HIPK3: variants seen among roughly 807,000 people sequenced by gnomAD.
HIPK3 encodes the protein homeodomain interacting protein kinase 3.
HIPK3 carries 47 observed loss-of-function variants against 124.2 expected under a neutral mutation model. That is an observed-to-expected ratio of 0.38 (90% CI 0.30 to 0.48). The LOEUF (loss-of-function observed/expected upper bound fraction) is 0.48. Among genes scored for constraint, HIPK3 ranks in the 20% least tolerant of loss-of-function variants. The pLI, the probability that HIPK3 is intolerant of heterozygous loss-of-function variation, is 0.98. For missense variants in HIPK3, 1,286 were observed against 1,454.3 expected, an observed-to-expected ratio of 0.88 and a Z score of 1.88; for synonymous variants, 482 against 515.2, an observed-to-expected ratio of 0.94 and a Z score of 0.87.
At chr11:33,297,035 C>T (rs1851860168) in intron 2 of HIPK3, among the ~76,000 whole-genome samples, 1 of 151,870 alleles carries the variant, frequency 6.6e-6, no homozygotes, top group South Asian at 2.1e-4. Context: ...AAGTGCTACT[C>T]CAGTGAGTAG....
At chr11:33,335,260 A>G (rs1445821234) in intron 3 of HIPK3, among the ~76,000 whole-genome samples, 1 of 152,164 alleles carries the variant, frequency 6.6e-6, no homozygotes, top group African/African-American at 2.4e-5. Context: ...ATTTAGAGAT[A>G]AAATTGTGGG....
intron 3 of HIPK3, among the ~76,000 whole-genome samples, chr11:33,336,727 G>T (rs1242274500): frequency 6.6e-6 from 1 of 152,104 alleles, no homozygotes; most frequent in African/African-American, 2.4e-5. Context: ...ATTCTCTCTT[G>T]ATTTTCTATA....
In HIPK3 at chr11:33,353,602, A is replaced by T. The variant is rs767115316; in HGVS notation, c.*34A>T. ...ATATTGGGGAAGCTCAATGATACAAACATTTGATTAAAAATAAAAACATGG... is the reference window on the plus strand; with the variant it reads ...ATATTGGGGAAGCTCAATGATACAATCATTTGATTAAAAATAAAAACATGG... On this transcript the variant is annotated 3_prime_UTR_variant, in exon 17 of 17. Transcript: ENST00000303296. 7.6e-7 allele frequency: 1 copy of T among 1,311,232 alleles called. No individual in the cohort carries two copies. Among genetic ancestry groups the T allele is most frequent in the East Asian group, 2.3e-5 (1 of 43,156 alleles). 81.2% of individuals were successfully genotyped at this position (1,311,232 alleles called of 1,614,324 possible).
intron 2 of HIPK3, among the ~76,000 whole-genome samples, chr11:33,307,145 G>A (rs1852184876): frequency 6.6e-6 from 1 of 151,814 alleles, no homozygotes; most frequent in Non-Finnish European, 1.5e-5. Flanking sequence ...TGCCATGTTG[G>A]CCAGGCTGGT....
chr11:33,263,603 G>A lies in HIPK3; in HGVS notation c.-3+5714G>A, dbSNP rs112187906. ...AGTGCTGGGATTACAGTAAGCCACC[G>A]CGCCTGGCTGCTATGATTTTAAATG... On this transcript the variant is annotated intron_variant, in intron 1 of 16. Coordinates refer to ENST00000303296, the MANE Select transcript of HIPK3 (RefSeq NM_005734.5). 2.4e-3 allele frequency among the ~76,000 whole-genome samples: 369 copies of A among 152,250 alleles called. 1 individual carries two copies. The highest frequency in any genetic ancestry group is 8.3e-3 in the African/African-American group (346 of 41,556).
In HIPK3 at chr11:33,347,832, T is replaced by G; in HGVS notation, c.2145-20T>G. 1 of 1,613,782 alleles carries G rather than the reference T, an allele frequency of 6.2e-7. No individual in the cohort carries two copies. Among genetic ancestry groups the G allele is most frequent in the Non-Finnish European group, 8.5e-7 (1 of 1,179,678 alleles). ...AAAGAAAGATCTTGATTAAAAACAT[T>G]GTTCTGAACTTCTCCCTAGGAAGAT... On this transcript the variant is annotated intron_variant, in intron 10 of 16. Transcript: ENST00000303296.
rs551874792 is a variant in HIPK3 at position 33,356,123 on chromosome 11, C to G, written c.*2555C>G. On this transcript the variant is annotated 3_prime_UTR_variant, in exon 17 of 17. Transcript: ENST00000303296. ...TTCTTTTTGTTTAGGGCCATGTTTA[C>G]TACCCTGAAATGTTGTATTTTTTGT... is the stretch of plus-strand genomic sequence containing the variant. The G allele has an allele frequency of 6.6e-6, 1 of 151,996 alleles. No homozygotes were observed. Among genetic ancestry groups the G allele is most frequent in the African/African-American group, 2.4e-5 (1 of 41,438 alleles). 9.4% of individuals were successfully genotyped at this position (151,996 alleles called of 1,614,324 possible).
In HIPK3 at chr11:33,352,278, G is replaced by A; in HGVS notation, c.3171+13G>A. 6.2e-7 allele frequency: 1 copy of A among 1,613,546 alleles called. No individual in the cohort carries two copies. Among genetic ancestry groups the A allele is most frequent in the Non-Finnish European group, 8.5e-7 (1 of 1,179,716 alleles). On this transcript the variant is annotated intron_variant, in intron 16 of 16. Coordinates refer to ENST00000303296, the MANE Select transcript of HIPK3 (RefSeq NM_005734.5). ...GAACTTCAGTCAGGTATGTTCATTT[G>A]TGGATATGTAGGAGTCTGTGGGATT...
chr11:33,268,240 G>A (rs916343799), intron 1 of HIPK3, among the ~76,000 whole-genome samples: 5 of 152,002 alleles, frequency 3.3e-5, no homozygotes, highest in African/African-American at 1.2e-4. Context: ...ACAAAAAACA[G>A]TATTCTTAAT....
At chr11:33,257,287 C>G (rs1850689264), upstream of HIPK3, 1 of 983,410 alleles carries the variant, frequency 1.0e-6, no homozygotes, top group Non-Finnish European at 1.2e-6. Flanking sequence ...GCCGCCCGGG[C>G]TGGGCGCGCA....
chr11:33,310,995 G>A (rs769647833), intron 2 of HIPK3, among the ~76,000 whole-genome samples: 1 of 152,096 alleles, frequency 6.6e-6, no homozygotes, highest in Admixed American at 6.6e-5. Flanking sequence ...TTGTTTTGCC[G>A]GCCCAGTGGG....
At chr11:33,346,824 A>C (rs2133995757) in intron 8 of HIPK3, among the ~76,000 whole-genome samples, 1 of 152,356 alleles carries the variant, frequency 6.6e-6, no homozygotes, top group Non-Finnish European at 1.5e-5. Flanking sequence ...AGTAGACAAG[A>C]AGTACCTCAT....
At chr11:33,275,915 T>C (rs770908456) in intron 1 of HIPK3, among the ~76,000 whole-genome samples, 20 of 152,228 alleles carry the variant, frequency 1.3e-4, no homozygotes, top group Non-Finnish European at 2.4e-4. Flanking sequence ...AGACTTTGGG[T>C]GCTCTGGGCT....
chr11:33,282,394 A>C (rs1280042863), intron 1 of HIPK3, among the ~76,000 whole-genome samples: 1 of 149,850 alleles, frequency 6.7e-6, no homozygotes, highest in Non-Finnish European at 1.5e-5. Flanking sequence ...AAAAGAAAAA[A>C]AATTGGGCCG....
At chr11:33,313,643 A>G (rs562098864) in intron 2 of HIPK3, among the ~76,000 whole-genome samples, 7 of 152,218 alleles carry the variant, frequency 4.6e-5, no homozygotes, top group African/African-American at 7.2e-5. Context: ...TTATGTCAAC[A>G]TGATCAGTTA....
chr11:33,301,006 G>A (rs1016510142), intron 2 of HIPK3, among the ~76,000 whole-genome samples: 5 of 151,946 alleles, frequency 3.3e-5, no homozygotes, highest in African/African-American at 4.8e-5. Context: ...TACCACACCC[G>A]GTTTTATGTG....
chr11:33,343,691 G>T (rs932607054), intron 8 of HIPK3, among the ~76,000 whole-genome samples: 1 of 152,178 alleles, frequency 6.6e-6, no homozygotes, highest in Non-Finnish European at 1.5e-5. Flanking sequence ...TGATTTGCTG[G>T]TAATAAGAGA....
At chr11:33,339,688 G>A (rs1329801422) in intron 6 of HIPK3, among the ~76,000 whole-genome samples, 154 bp downstream of exon 6, 1 of 152,220 alleles carries the variant, frequency 6.6e-6, no homozygotes. Flanking sequence ...ACACCAGTAA[G>A]TGTCAGGGAA....
intron 2 of HIPK3, among the ~76,000 whole-genome samples, chr11:33,288,945 A>G (rs1284316773): frequency 6.6e-6 from 1 of 152,102 alleles, no homozygotes; most frequent in Non-Finnish European, 1.5e-5. Flanking sequence ...ATAAATTTAG[A>G]CCCACCAAGG....
Sources: allele counts gnomAD v4.1 joint callset (sites outside exome capture counted in the v4.1 genomes callset), GRCh38; gene constraint gnomAD v4.1.1; transcripts MANE v1.5; gene names NCBI Gene and HGNC (gene_info 2026-07-23, HGNC 2026-07-21).